MARCHF1: variants seen among roughly 807,000 people sequenced by gnomAD.
MARCHF1 encodes E3 ubiquitin-protein ligase MARCHF1.
Under a neutral mutation model 54.2 loss-of-function variants are expected in MARCHF1, and 40 were observed. The observed-to-expected ratio is 0.74, with a 90% CI of 0.57 to 0.96. The LOEUF is 0.96. Among genes scored for constraint, MARCHF1 ranks in the 40% least tolerant of loss-of-function variants. The probability of loss-of-function intolerance (pLI) is 0.00; values close to 1 mark genes in which losing one functional copy is unlikely to be tolerated. For synonymous variants in MARCHF1, 236 were observed against 236.3 expected (o/e 1.00, Z 0.01); for missense variants, 586 against 656.5 (o/e 0.89, Z 1.17).
chr4:163,880,448 GTTTAC>G (rs1487668107), intron 3 of MARCHF1, among the ~76,000 whole-genome samples: 3 of 150,518 alleles, frequency 2.0e-5, no homozygotes, highest in Non-Finnish European at 4.4e-5. Context: ...ATTATTTTAT[GTTTAC>G]TTTAGGAGTC....
chr4:163,596,651 C>T (rs1740783285), intron 7 of MARCHF1, among the ~76,000 whole-genome samples: 1 of 150,726 alleles, frequency 6.6e-6, no homozygotes, highest in Non-Finnish European at 1.5e-5. Context: ...TGATTTTTGA[C>T]TTAGTTACTC....
intron 4 of MARCHF1, among the ~76,000 whole-genome samples, chr4:163,715,179 T>G (rs572701021): frequency 1.3e-5 from 2 of 152,248 alleles, no homozygotes; most frequent in Non-Finnish European, 2.9e-5. Flanking sequence ...TATGAATGTT[T>G]GGCAGCAGTA....
In MARCHF1 at chr4:163,908,407, G is replaced by C. The variant is rs191986479; in HGVS notation, c.-38-54238C>G. Among the ~76,000 whole-genome samples the C allele has an allele frequency of 1.4e-3, 207 of 152,248 alleles. 1 individual carries two copies. Among genetic ancestry groups the C allele is most frequent in the African/African-American group, 4.8e-3 (200 of 41,544 alleles). On this transcript the variant is annotated intron_variant, in intron 3 of 9. Transcript: ENST00000514618. Reference sequence around the variant, plus strand: ...GATTTTATGCTGATTCATATTTTCAGAGCTACAAACTTATAAGCTGGTTAA... The same window carrying C: ...GATTTTATGCTGATTCATATTTTCACAGCTACAAACTTATAAGCTGGTTAA...
intron 2 of MARCHF1, among the ~76,000 whole-genome samples, chr4:164,012,529 C>A (rs956193534): frequency 2.0e-5 from 3 of 152,030 alleles, no homozygotes; most frequent in African/African-American, 4.8e-5. Context: ...GAGTAAATAG[C>A]AGCAGCAGCA....
chr4:164,375,198 G>C (rs2110970201), intron 1 of MARCHF1, among the ~76,000 whole-genome samples: 1 of 152,172 alleles, frequency 6.6e-6, no homozygotes, highest in South Asian at 2.1e-4. Context: ...CTATGCTTCA[G>C]TAACATCTAA....
intron 1 of MARCHF1, among the ~76,000 whole-genome samples, chr4:164,195,331 C>T (rs1360338086): frequency 1.3e-5 from 2 of 151,952 alleles, no homozygotes; most frequent in African/African-American, 4.8e-5. Context: ...AATTCTGATG[C>T]TACTATAAAA....
chr4:164,107,728 C>T lies in MARCHF1; in HGVS notation c.-248+3860G>A, dbSNP rs116696356. Among the ~76,000 whole-genome samples, 509 of 151,988 alleles carry T rather than the reference C, an allele frequency of 3.3e-3. 4 individuals carry two copies. Among genetic ancestry groups the T allele is most frequent in the African/African-American group, 0.012 (477 of 41,446 alleles). ...AAGTGTTTACTCACTTAAAAATTCA[C>T]TTTTAGATAATCTAGAAGTGCAGTA... On this transcript the variant is annotated intron_variant, in intron 2 of 9. Coordinates refer to ENST00000514618, the MANE Select transcript of MARCHF1 (RefSeq NM_001394959.1).
chr4:163,697,513 A>T (rs1369094631), intron 5 of MARCHF1, among the ~76,000 whole-genome samples: 1 of 152,220 alleles, frequency 6.6e-6, no homozygotes, highest in Non-Finnish European at 1.5e-5. Context: ...TTCCCAGTAT[A>T]GAACAAGATT....
chr4:163,696,380 T>C (rs1021294243), intron 5 of MARCHF1, among the ~76,000 whole-genome samples: 2 of 152,170 alleles, frequency 1.3e-5, no homozygotes, highest in Non-Finnish European at 2.9e-5. Flanking sequence ...AAAATAATAA[T>C]GTTCCATTTC....
At chr4:163,648,810 ATGTT>A (rs1177459420) in intron 5 of MARCHF1, among the ~76,000 whole-genome samples, 3 of 151,928 alleles carry the variant, frequency 2.0e-5, no homozygotes, top group African/African-American at 4.8e-5. Flanking sequence ...TGGAATTTGG[ATGTT>A]TGAAAAAACT....
chr4:164,280,391 G>A (rs941666809), intron 1 of MARCHF1, among the ~76,000 whole-genome samples: 6 of 151,996 alleles, frequency 3.9e-5, no homozygotes, highest in African/African-American at 1.4e-4. Context: ...AAGAGAGAAA[G>A]AGTAGCAATA....
intron 8 of MARCHF1, among the ~76,000 whole-genome samples, chr4:163,570,766 A>T (rs557703894): frequency 1.3e-5 from 2 of 152,256 alleles, no homozygotes; most frequent in Admixed American, 6.5e-5. Flanking sequence ...CTTCATTTGC[A>T]AAATAGTTTT....
chr4:163,710,250 G>C (rs1745068536), intron 4 of MARCHF1, among the ~76,000 whole-genome samples: 1 of 152,110 alleles, frequency 6.6e-6, no homozygotes, highest in African/African-American at 2.4e-5. Flanking sequence ...CCTATAAAAA[G>C]AAGACAGCTA....
intron 4 of MARCHF1, among the ~76,000 whole-genome samples, chr4:163,810,600 A>C (rs1748356508): frequency 6.6e-6 from 1 of 152,176 alleles, no homozygotes; most frequent in South Asian, 2.1e-4. Flanking sequence ...TGATGTGACA[A>C]ATTTTTTTAA....
At chr4:163,682,327 G>T (rs910626017) in intron 5 of MARCHF1, among the ~76,000 whole-genome samples, 1 of 152,228 alleles carries the variant, frequency 6.6e-6, no homozygotes, top group African/African-American at 2.4e-5. Flanking sequence ...TTTCTGGGGA[G>T]AAATTCAAGC....
At chr4:164,118,404 A>C (rs1390254303) in intron 1 of MARCHF1, among the ~76,000 whole-genome samples, 1 of 151,034 alleles carries the variant, frequency 6.6e-6, no homozygotes, top group Non-Finnish European at 1.5e-5. Context: ...AAGTGGAAAA[A>C]GATATAAATA....
At chr4:164,344,148 T>C (rs1309481276) in intron 1 of MARCHF1, among the ~76,000 whole-genome samples, 1 of 152,146 alleles carries the variant, frequency 6.6e-6, no homozygotes. Flanking sequence ...CCACATGTTC[T>C]CACTTATAAG....
At chr4:163,837,755 C>T (rs1033608407) in intron 4 of MARCHF1, among the ~76,000 whole-genome samples, 3 of 151,884 alleles carry the variant, frequency 2.0e-5, no homozygotes, top group African/African-American at 7.2e-5. Flanking sequence ...AACATGCAAA[C>T]AAAAAAATCA....
intron 3 of MARCHF1, among the ~76,000 whole-genome samples, chr4:163,879,622 A>AT (rs1197175475): frequency 6.6e-6 from 1 of 152,172 alleles, no homozygotes; most frequent in Non-Finnish European, 1.5e-5. Context: ...ACTAATGCAA[A>AT]TATCTGAAAA....
Sources: gnomAD v4.1 joint callset for allele counts (sites outside exome capture counted in the v4.1 genomes callset) on GRCh38, gnomAD v4.1.1 for gene constraint, MANE v1.5 for transcripts, NCBI Gene and HGNC (gene_info 2026-07-23, HGNC 2026-07-21) for gene names.